The following UBR3 variants were observed in gnomAD, a reference collection of about 807,000 sequenced individuals.
UBR3 encodes E3 ubiquitin-protein ligase UBR3.
Under a neutral mutation model 243.2 loss-of-function variants are expected in UBR3, and 85 were observed. The ratio of observed to expected loss-of-function variants is 0.35; its 90% CI spans 0.29 to 0.42. The LOEUF (loss-of-function observed/expected upper bound fraction) is 0.42. Ranked by LOEUF, UBR3 falls within the 10% of genes least tolerant of loss-of-function variation. UBR3 has a pLI of 1.00. For missense variants in UBR3, 1,686 were observed against 2,300.8 expected (o/e 0.73, Z 5.47); for synonymous variants, 748 against 799.8 (o/e 0.94, Z 1.09).
At chr2:169,832,680 A>G (rs1360393015) in intron 1 of UBR3, among the ~76,000 whole-genome samples, 1 of 151,988 alleles carries the variant, frequency 6.6e-6, no homozygotes, top group Admixed American at 6.5e-5. Context: ...CACACCTGTA[A>G]TCCCAGCACT....
intron 19 of UBR3, among the ~76,000 whole-genome samples, chr2:169,940,492 T>C (rs2086538619): frequency 6.6e-6 from 1 of 152,234 alleles, no homozygotes; most frequent in Admixed American, 6.5e-5. Context: ...GTTTTTTTGA[T>C]ATTTTTGAGA....
At chr2:169,915,676 T>C (rs1465063109) in intron 11 of UBR3, among the ~76,000 whole-genome samples, 1 of 152,234 alleles carries the variant, frequency 6.6e-6, no homozygotes, top group Non-Finnish European at 1.5e-5. Flanking sequence ...TGATTTGTGT[T>C]CTTTACTAAT....
chr2:169,928,003 GGCCGAATTTAGTATTT>G (rs1381463096), intron 17 of UBR3, among the ~76,000 whole-genome samples: 19 of 152,118 alleles, frequency 1.2e-4, no homozygotes, highest in African/African-American at 4.6e-4. Flanking sequence ...TAAAAATTCT[GGCCGAATTTAGTATTT>G]GTATATCTTA....
intron 32 of UBR3, among the ~76,000 whole-genome samples, chr2:170,051,497 A>G (rs552157032): frequency 6.6e-6 from 1 of 152,200 alleles, no homozygotes; most frequent in African/African-American, 2.4e-5. Flanking sequence ...GGCACCCGCC[A>G]CCACGCCCGA....
intron 18 of UBR3, among the ~76,000 whole-genome samples, chr2:169,930,000 C>G (rs563504488): frequency 6.6e-6 from 1 of 152,186 alleles, no homozygotes; most frequent in East Asian, 1.9e-4. Context: ...GGAAAGTATT[C>G]CATTAAAAGA....
intron 2 of UBR3, among the ~76,000 whole-genome samples, chr2:169,874,185 T>G (rs1267319499): frequency 1.3e-5 from 2 of 151,942 alleles, no homozygotes; most frequent in East Asian, 3.9e-4. Flanking sequence ...TTTTTTTTTT[T>G]GAGATGGAGT....
chr2:169,999,864 C>T (rs185909452), intron 26 of UBR3, among the ~76,000 whole-genome samples: 170 of 152,264 alleles, frequency 1.1e-3, no homozygotes, highest in Admixed American at 1.8e-3. Flanking sequence ...TGGCTCATGC[C>T]TGTAATCCCA....
rs141373074 is a variant in UBR3 at position 169,948,685 on chromosome 2, C to A, written c.3085-920C>A. ...TTGCCTCTAATGCTGGTAGAGAGTA[C>A]TTTAAAAAACAGCTTGGATGTTAAA... On this transcript the variant is annotated intron_variant, in intron 22 of 38. Transcript: ENST00000272793. Among the ~76,000 whole-genome samples the A allele has an allele frequency of 3.9e-5, 6 of 152,062 alleles. No homozygotes were observed. In the East Asian group the frequency reaches 1.2e-3, roughly 29 times the overall value.
intron 11 of UBR3, among the ~76,000 whole-genome samples, chr2:169,914,567 A>G (rs1351735467): frequency 6.6e-6 from 1 of 152,228 alleles, no homozygotes; most frequent in Admixed American, 6.5e-5. Flanking sequence ...GTAGGAAAAG[A>G]TGGACTTGAA....
intron 11 of UBR3, among the ~76,000 whole-genome samples, chr2:169,914,489 G>A (rs1368178804): frequency 6.6e-6 from 1 of 152,148 alleles, no homozygotes. Context: ...AATGTGAATA[G>A]GATAGGGGAG....
At chr2:170,039,385 A>C (rs2090909245) in intron 31 of UBR3, among the ~76,000 whole-genome samples, 1 of 151,814 alleles carries the variant, frequency 6.6e-6, no homozygotes, top group Admixed American at 6.6e-5. Context: ...TGACCCCTAC[A>C]CTTTTTTTTT....
chr2:170,064,340 A>G (rs1023993583), intron 35 of UBR3, among the ~76,000 whole-genome samples: 1 of 152,042 alleles, frequency 6.6e-6, no homozygotes, highest in South Asian at 2.1e-4. Context: ...TACTTTTAGA[A>G]TCTTATTTTA....
intron 11 of UBR3, among the ~76,000 whole-genome samples, chr2:169,919,345 T>TC (rs1216610838): frequency 6.6e-6 from 1 of 152,200 alleles, no homozygotes. Flanking sequence ...GATATGTTAG[T>TC]CAAGGTTCTT....
In UBR3 at chr2:169,857,179, T is replaced by C. The variant is rs925158425; in HGVS notation, c.546-15057T>C. ...ACCTCTGCCTCCTGGGTTTGAGTGATTCTTGTGCCTCAGCTTCCCGAGTAG... is the reference window on the plus strand; with the variant it reads ...ACCTCTGCCTCCTGGGTTTGAGTGACTCTTGTGCCTCAGCTTCCCGAGTAG... On this transcript the variant is annotated intron_variant, in intron 1 of 38. Coordinates refer to ENST00000272793, the MANE Select transcript of UBR3 (RefSeq NM_172070.4). 2.0e-5 allele frequency among the ~76,000 whole-genome samples: 3 copies of C among 148,058 alleles called. No homozygotes were observed. In the Admixed American group the frequency reaches 2.1e-4, roughly 10 times the overall value.
intron 14 of UBR3, among the ~76,000 whole-genome samples, chr2:169,926,369 C>T (rs546043774): frequency 1.3e-5 from 2 of 152,200 alleles, no homozygotes; most frequent in Non-Finnish European, 2.9e-5. Flanking sequence ...AGGCAGATCA[C>T]TTGAGGCCAG....
intron 27 of UBR3, among the ~76,000 whole-genome samples, chr2:170,003,821 T>C (rs1345472043): frequency 6.6e-6 from 1 of 152,152 alleles, no homozygotes; most frequent in Non-Finnish European, 1.5e-5. Flanking sequence ...TTTGTATTTT[T>C]AGCAGAGACG....
chr2:169,939,495 C>T (rs1329677699), intron 19 of UBR3, among the ~76,000 whole-genome samples: 1 of 151,532 alleles, frequency 6.6e-6, no homozygotes. Context: ...TCTCGATCTC[C>T]TGACCTCGTG....
chr2:170,008,971 TA>T (rs2090004578), intron 29 of UBR3, 31 bp downstream of exon 29: 1 of 1,349,084 alleles, frequency 7.4e-7, no homozygotes, highest in Non-Finnish European at 1.0e-6. Context: ...CTTTTTAGTT[TA>T]CTTACTATTA....
At chr2:170,023,988 C>T (rs977441794) in intron 30 of UBR3, among the ~76,000 whole-genome samples, 2 of 152,172 alleles carry the variant, frequency 1.3e-5, no homozygotes, top group Admixed American at 6.5e-5. Context: ...AGGCATGAGC[C>T]ACCGCGCCTG....
Sources: gnomAD v4.1 joint callset for allele counts (sites outside exome capture counted in the v4.1 genomes callset) on GRCh38, gnomAD v4.1.1 for gene constraint, MANE v1.5 for transcripts, NCBI Gene and HGNC (gene_info 2026-07-23, HGNC 2026-07-21) for gene names.